RASGEF1C: variants seen among roughly 807,000 people sequenced by gnomAD.
The protein encoded by RASGEF1C is ras-GEF domain-containing family member 1C.
In RASGEF1C, 27 loss-of-function variants were observed where a neutral mutation model predicts 58.1. The ratio of observed to expected loss-of-function variants is 0.46; its 90% CI spans 0.34 to 0.64. The LOEUF is 0.64. Ranked by LOEUF, RASGEF1C falls within the 30% of genes least tolerant of loss-of-function variation. RASGEF1C has a pLI of 0.01. For missense variants in RASGEF1C, 502 were observed against 605.1 expected, an observed-to-expected ratio of 0.83 and a Z score of 1.79; for synonymous variants, 243 against 246.3, an observed-to-expected ratio of 0.99 and a Z score of 0.13.
intron 1 of RASGEF1C, among the ~76,000 whole-genome samples, chr5:180,184,219 A>G (rs1193934673): frequency 6.6e-6 from 1 of 152,132 alleles, no homozygotes; most frequent in Non-Finnish European, 1.5e-5. Flanking sequence ...AAGGTGGTTA[A>G]TTTAAATCCA....
intron 11 of RASGEF1C, among the ~76,000 whole-genome samples, chr5:180,113,330 T>C (rs1766000624): frequency 2.0e-5 from 1 of 49,596 alleles, no homozygotes; most frequent in Non-Finnish European, 4.1e-5. Flanking sequence ...GGACCGGGGA[T>C]GGACGGAGGG....
chr5:180,190,445 G>A (rs10046049), intron 1 of RASGEF1C, among the ~76,000 whole-genome samples: 32,756 of 133,824 alleles, frequency 0.24, 5,027 homozygotes, highest in Admixed American at 0.29. Context: ...AGCTGAGATC[G>A]CGCCACTGCA....
intron 4 of RASGEF1C, 59 bp from the exon 5 acceptor site, chr5:180,128,669 T>G: frequency 6.5e-7 from 1 of 1,539,712 alleles, no homozygotes; most frequent in Non-Finnish European, 8.9e-7. Context: ...TCTCTAACAC[T>G]GGAACCAGGC....
chr5:180,184,346 G>A (rs1029281688), intron 1 of RASGEF1C, among the ~76,000 whole-genome samples: 5 of 151,924 alleles, frequency 3.3e-5, no homozygotes, highest in Non-Finnish European at 7.4e-5. Context: ...AGGCCGAGGC[G>A]GGTGGATCAC....
At chr5:180,190,362 C>T (rs575450902) in intron 1 of RASGEF1C, among the ~76,000 whole-genome samples, 242 of 151,274 alleles carry the variant, frequency 1.6e-3, no homozygotes, top group South Asian at 2.1e-3. Flanking sequence ...TGGTGGCGGG[C>T]GCCTGTAGTC....
chr5:180,193,918 G>A (rs1016667819), intron 1 of RASGEF1C, among the ~76,000 whole-genome samples: 2 of 152,116 alleles, frequency 1.3e-5, no homozygotes, highest in Non-Finnish European at 2.9e-5. Flanking sequence ...TTGGGGTGGC[G>A]ATCAAGGAAG....
At chr5:180,115,887 G>T (rs982005564) in intron 10 of RASGEF1C, among the ~76,000 whole-genome samples, 11 of 152,166 alleles carry the variant, frequency 7.2e-5, no homozygotes, top group African/African-American at 2.7e-4. Context: ...TGTGGGGGTG[G>T]TCTGTGTCTG....
intron 6 of RASGEF1C, 142 bp from the exon 7 acceptor site, chr5:180,121,291 G>T: frequency 1.6e-6 from 1 of 617,310 alleles, no homozygotes; most frequent in Non-Finnish European, 2.9e-6. Context: ...GATTTGGTAT[G>T]TACGCTTTCA....
At chr5:180,174,472 ATGTGTGTC>A (rs1767178353) in intron 1 of RASGEF1C, among the ~76,000 whole-genome samples, 1 of 104,330 alleles carries the variant, frequency 9.6e-6, no homozygotes, top group African/African-American at 3.5e-5. Flanking sequence ...GTCTGTGTGT[ATGTGTGTC>A]TGTGTGTGCG....
At chr5:180,101,575 CCA>C (rs1561726948) in intron 13 of RASGEF1C, 50 bp from the exon 14 acceptor site, 1 of 1,602,886 alleles carries the variant, frequency 6.2e-7, no homozygotes, top group Admixed American at 1.7e-5. Context: ...GCTCCCCACC[CCA>C]GTTAGACTGC....
In RASGEF1C at chr5:180,118,856, G is replaced by A; in HGVS notation, c.918C>T (p.Asn306=). ...TCTTCAGCCTGGAGACAGGGCTCAT[G>A]TTCATGCCGGCTGGAAGAGGGAGGA... ...NSLMAIISGM[N]MSPVSRLKKT... The change falls in exon 9 of 14, where the codon AAC becomes AAT. Residue 306 remains asparagine (N), a synonymous_variant. Transcript: ENST00000361132. The A allele has an allele frequency of 1.9e-6, 3 of 1,614,218 alleles. No homozygotes were observed. Among genetic ancestry groups the A allele is most frequent in the East Asian group, 2.2e-5 (1 of 44,890 alleles).
chr5:180,174,436 GTGTCT>G (rs1767176544), intron 1 of RASGEF1C, among the ~76,000 whole-genome samples: 1 of 146,788 alleles, frequency 6.8e-6, no homozygotes, highest in Non-Finnish European at 1.5e-5. Context: ...GCACACGTGT[GTGTCT>G]GTGCATGTGC....
At chr5:180,159,345 G>T (rs1425160096) in intron 1 of RASGEF1C, among the ~76,000 whole-genome samples, 1 of 152,068 alleles carries the variant, frequency 6.6e-6, no homozygotes, top group Non-Finnish European at 1.5e-5. Context: ...TCACCATGTT[G>T]CCCAGGGTGG....
chr5:180,183,637 C>G (rs1039038550), intron 1 of RASGEF1C, among the ~76,000 whole-genome samples: 4 of 152,040 alleles, frequency 2.6e-5, no homozygotes, highest in African/African-American at 9.7e-5. Flanking sequence ...CCAGCCTGAC[C>G]AACATGGAGA....
intron 12 of RASGEF1C, among the ~76,000 whole-genome samples, chr5:180,107,754 A>G (rs1765894563): frequency 6.6e-6 from 1 of 152,166 alleles, no homozygotes; most frequent in Admixed American, 6.5e-5. Context: ...GATTATAGGC[A>G]TGTGCCACCA....
At chr5:180,142,268 C>T (rs947942192) in intron 1 of RASGEF1C, among the ~76,000 whole-genome samples, 7 of 152,226 alleles carry the variant, frequency 4.6e-5, no homozygotes, top group South Asian at 2.1e-4. Flanking sequence ...CGTGGGGTTC[C>T]GCTTCCTACC....
At chr5:180,166,571 A>G (rs1272178241) in intron 1 of RASGEF1C, among the ~76,000 whole-genome samples, 3 of 150,498 alleles carry the variant, frequency 2.0e-5, no homozygotes, top group Non-Finnish European at 4.4e-5. Context: ...CTAGAAGTGC[A>G]ATGGCACGAT....
chr5:180,160,800 G>C (rs190350595), intron 1 of RASGEF1C, among the ~76,000 whole-genome samples: 24 of 152,294 alleles, frequency 1.6e-4, no homozygotes, highest in Admixed American at 1.4e-3. Context: ...AAACCAGGCA[G>C]ACCCCTGGTA....
At chr5:180,184,417 A>G (rs972249294) in intron 1 of RASGEF1C, among the ~76,000 whole-genome samples, 1 of 152,002 alleles carries the variant, frequency 6.6e-6, no homozygotes, top group African/African-American at 2.4e-5. Flanking sequence ...TCTACTAAAA[A>G]AATACAAATA....
Sources: allele counts gnomAD v4.1 joint callset (sites outside exome capture counted in the v4.1 genomes callset), GRCh38; gene constraint gnomAD v4.1.1; transcripts MANE v1.5; gene names NCBI Gene and HGNC (gene_info 2026-07-23, HGNC 2026-07-21).